The following MRPL3 variants were observed in gnomAD, a reference collection of about 807,000 sequenced individuals.
The protein encoded by MRPL3 is mitochondrial ribosomal protein L3.
A neutral mutation model predicts 44.3 loss-of-function variants in MRPL3; 43 were observed. The ratio of observed to expected loss-of-function variants is 0.97; its 90% CI spans 0.76 to 1.25. The LOEUF (loss-of-function observed/expected upper bound fraction) is 1.25, where lower values mean the gene tolerates loss of function less well. Ranked by LOEUF, MRPL3 falls within the 50% of genes most tolerant of loss-of-function variation. The pLI is 0.00. For missense variants in MRPL3, 406 were observed against 427.6 expected (o/e 0.95, Z 0.45); for synonymous variants, 171 against 152.3 (o/e 1.12, Z -0.91).
chr3:131,497,903 G>A, intron 4 of MRPL3: 1 of 364,850 alleles, frequency 2.7e-6, no homozygotes, highest in Non-Finnish European at 4.9e-6. Context: ...TATTAGGTAT[G>A]TAGTATTTTT....
intron 4 of MRPL3, among the ~76,000 whole-genome samples, chr3:131,491,670 C>T (rs976220087): frequency 6.6e-6 from 1 of 152,076 alleles, no homozygotes; most frequent in Non-Finnish European, 1.5e-5. Flanking sequence ...TCCCATTCAT[C>T]AGCAATTCCT....
intron 5 of MRPL3, 73 bp downstream of exon 5, chr3:131,489,908 T>C (rs1440200613): frequency 2.3e-6 from 2 of 858,596 alleles, no homozygotes; most frequent in Non-Finnish European, 3.8e-6. Context: ...GTAGCTTTAT[T>C]GAAAGGGCTG....
rs756638853 is a variant in MRPL3, at chr3:131,487,674, A to T, written c.629+6T>A. The T allele has an allele frequency of 2.5e-6, 4 of 1,608,140 alleles. No individual in the cohort carries two copies. Among genetic ancestry groups the T allele is most frequent in the Non-Finnish European group, 3.4e-6 (4 of 1,176,442 alleles). ...AAGGAAAAGAGAACTCGCTATGAGGACCTACGTTTTGGCTGTGACATCCAC... is the reference window on the plus strand; with the variant it reads ...AAGGAAAAGAGAACTCGCTATGAGGTCCTACGTTTTGGCTGTGACATCCAC... On this transcript the variant is annotated splice_donor_region_variant and intron_variant, in intron 6 of 9. Transcript: ENST00000264995.
intron 9 of MRPL3, among the ~76,000 whole-genome samples, 171 bp downstream of exon 9, chr3:131,467,920 G>T (rs1260412610): frequency 6.6e-6 from 1 of 151,752 alleles, no homozygotes; most frequent in Non-Finnish European, 1.5e-5. Context: ...ATTCAGGAGA[G>T]AACATGTGGA....
intron 6 of MRPL3, among the ~76,000 whole-genome samples, chr3:131,473,865 C>T (rs1002398637): frequency 1.3e-5 from 2 of 152,098 alleles, no homozygotes; most frequent in Admixed American, 1.3e-4. Flanking sequence ...GAGATACCAT[C>T]TCATTCCAGT....
intron 4 of MRPL3, among the ~76,000 whole-genome samples, chr3:131,491,098 G>C (rs1934247286): frequency 6.6e-6 from 1 of 151,780 alleles, no homozygotes; most frequent in African/African-American, 2.4e-5. Flanking sequence ...ACTTTTTCTT[G>C]ACCACATATT....
chr3:131,501,962 A>T lies in MRPL3; in HGVS notation c.93-247T>A, dbSNP rs750944479. 3.3e-6 allele frequency: 5 copies of T among 1,496,536 alleles called. No homozygotes were observed. The East Asian group carries it at 9.8e-5, about 29-fold the overall frequency. 92.7% of individuals were successfully genotyped at this position (1,496,536 alleles called of 1,614,324 possible). ...ATTCATCTTCTCCTCGCAGATAAAC[A>T]TATTCCCCAAAAAACAGTCCTACCT... On this transcript the variant is annotated intron_variant, in intron 1 of 9. Transcript: ENST00000264995.
At chr3:131,469,946 G>C (rs1156395612) in intron 7 of MRPL3, among the ~76,000 whole-genome samples, 173 bp from the exon 8 acceptor site, 1 of 152,018 alleles carries the variant, frequency 6.6e-6, no homozygotes. Flanking sequence ...TACTCCTAGA[G>C]GATTTCCTTT....
intron 6 of MRPL3, among the ~76,000 whole-genome samples, chr3:131,481,709 A>G (rs572340910): frequency 3.3e-5 from 5 of 152,344 alleles, no homozygotes; most frequent in Admixed American, 3.3e-4. Flanking sequence ...ACTGCTCTCC[A>G]ATCATTCATT....
intron 5 of MRPL3, 105 bp downstream of exon 5, chr3:131,489,876 T>G: frequency 1.5e-6 from 1 of 673,882 alleles, no homozygotes; most frequent in Non-Finnish European, 2.6e-6. Context: ...AAAGTAAGTG[T>G]TTGAGACTTT....
intron 9 of MRPL3, among the ~76,000 whole-genome samples, chr3:131,464,454 T>A (rs910046819): frequency 1.3e-5 from 2 of 152,138 alleles, no homozygotes; most frequent in Non-Finnish European, 2.9e-5. Flanking sequence ...GTGTATTTAA[T>A]CTTACCTCAG....
chr3:131,464,803 A>G (rs2110692909), intron 9 of MRPL3, among the ~76,000 whole-genome samples: 1 of 152,352 alleles, frequency 6.6e-6, no homozygotes, highest in Non-Finnish European at 1.5e-5. Context: ...TCTTAAAAAA[A>G]AGTTATTGGT....
chr3:131,495,709 ATTAG>A (rs995139507), intron 4 of MRPL3, among the ~76,000 whole-genome samples: 1 of 152,190 alleles, frequency 6.6e-6, no homozygotes, highest in Non-Finnish European at 1.5e-5. Context: ...TAGTAATACT[ATTAG>A]TATTACTTTC....
intron 6 of MRPL3, among the ~76,000 whole-genome samples, chr3:131,480,324 A>G (rs945926662): frequency 6.6e-6 from 1 of 152,212 alleles, no homozygotes; most frequent in African/African-American, 2.4e-5. Flanking sequence ...TGCTGAGCCC[A>G]CAAGTCAGTC....
chr3:131,489,107 TAAA>T (rs951076921), intron 5 of MRPL3, among the ~76,000 whole-genome samples: 3 of 152,000 alleles, frequency 2.0e-5, no homozygotes, highest in African/African-American at 7.2e-5. Flanking sequence ...AAGAGAATAT[TAAA>T]AAGTGCTTCA....
intron 6 of MRPL3, among the ~76,000 whole-genome samples, chr3:131,481,136 T>A (rs773641308): frequency 6.6e-6 from 1 of 152,190 alleles, no homozygotes; most frequent in Non-Finnish European, 1.5e-5. Context: ...ACTCTGCAAA[T>A]TCCAGATACA....
At chr3:131,489,020 A>ATC (rs1429011270) in intron 5 of MRPL3, among the ~76,000 whole-genome samples, 3 of 152,116 alleles carry the variant, frequency 2.0e-5, no homozygotes, top group Non-Finnish European at 4.4e-5. Flanking sequence ...AGCTACAGCA[A>ATC]AAGTTAATGT....
chr3:131,499,490 GC>G (rs1218406575), intron 3 of MRPL3, among the ~76,000 whole-genome samples: 1 of 152,104 alleles, frequency 6.6e-6, no homozygotes, highest in East Asian at 1.9e-4. Context: ...AAAGCCCCCT[GC>G]CCCCGCCAGT....
rs749424539 is a variant in MRPL3, at chr3:131,501,717, T to G, written c.93-2A>C. The G allele has an allele frequency of 2.5e-6, 4 of 1,598,780 alleles. No homozygotes were observed. Among genetic ancestry groups the G allele is most frequent in the Non-Finnish European group, 3.4e-6 (4 of 1,175,208 alleles). Reference sequence around the variant, plus strand: ...CTAACAAAAAGCCAGATGTGTGTTCTATAAAAAGAAAAAATAAATAAAACC... The same window carrying G: ...CTAACAAAAAGCCAGATGTGTGTTCGATAAAAAGAAAAAATAAATAAAACC... On this transcript the variant is annotated splice_acceptor_variant, in intron 1 of 9. Coordinates refer to ENST00000264995, the MANE Select transcript of MRPL3 (RefSeq NM_007208.4). LOFTEE classifies it high-confidence loss of function.
Sources: gnomAD v4.1 joint callset for allele counts (sites outside exome capture counted in the v4.1 genomes callset) on GRCh38, gnomAD v4.1.1 for gene constraint, MANE v1.5 for transcripts, NCBI Gene and HGNC (gene_info 2026-07-23, HGNC 2026-07-21) for gene names.